Variants in CPT1A observed in about 807,000 individuals in gnomAD.
CPT1A encodes the protein carnitine palmitoyltransferase 1A.
In CPT1A, 64 loss-of-function variants were observed where a neutral mutation model predicts 100.8. The ratio of observed to expected loss-of-function variants is 0.63; its 90% CI spans 0.52 to 0.78. CPT1A has a LOEUF of 0.78. CPT1A is among the 30% of genes least tolerant of loss of function. The pLI, the probability that CPT1A is intolerant of heterozygous loss-of-function variation, is 0.00. For missense variants in CPT1A, 802 were observed against 1,034.1 expected (o/e 0.78, Z 3.08); for synonymous variants, 363 against 396.0 (o/e 0.92, Z 0.99).
At chr11:68,815,560 G>T in intron 1 of CPT1A, 73 bp from the exon 2 acceptor site, 1 of 1,440,814 alleles carries the variant, frequency 6.9e-7, no homozygotes, top group Non-Finnish European at 9.7e-7. Context: ...ATACAGAAGT[G>T]CCATTCCTTC....
Position 68,754,924 on chromosome 11 carries a change from C to T in CPT1A, c.*2720G>A, listed in dbSNP as rs1485020821. 1.7e-5 allele frequency: 13 copies of T among 762,482 alleles called. No individual in the cohort carries two copies. The highest frequency in any genetic ancestry group is 2.2e-5 in the Non-Finnish European group (9 of 404,832). 47.2% of individuals were successfully genotyped at this position (762,482 alleles called of 1,614,324 possible). On this transcript the variant is annotated 3_prime_UTR_variant, in exon 19 of 19. Coordinates refer to ENST00000265641, the MANE Select transcript of CPT1A (RefSeq NM_001876.4). ...TTAATGTTTTATTAATGATAACCTACATTCACACTGCATTTCTAAGATTTA... is the reference window on the plus strand; with the variant it reads ...TTAATGTTTTATTAATGATAACCTATATTCACACTGCATTTCTAAGATTTA...
At chr11:68,759,268 G>A (rs1158801871) in intron 18 of CPT1A, among the ~76,000 whole-genome samples, 5 of 151,370 alleles carry the variant, frequency 3.3e-5, no homozygotes, top group African/African-American at 4.9e-5. Flanking sequence ...AGTGGCGGGT[G>A]CCTGTAGTCC....
At chr11:68,832,920 C>T (rs1856915577) in intron 1 of CPT1A, among the ~76,000 whole-genome samples, 1 of 152,204 alleles carries the variant, frequency 6.6e-6, no homozygotes, top group Non-Finnish European at 1.5e-5. Context: ...GGGCCTCATC[C>T]CTGGAAAAAC....
chr11:68,800,692 C>G (rs1443850019), intron 5 of CPT1A, among the ~76,000 whole-genome samples: 1 of 151,860 alleles, frequency 6.6e-6, no homozygotes, highest in East Asian at 1.9e-4. Context: ...TTGCTAACCC[C>G]ACAATTTGTC....
Position 68,775,353 on chromosome 11 carries a change from G to A in CPT1A, c.1538C>T (p.Pro513Leu), listed in dbSNP as rs146533704. ...GTCCCACTGCAGCCTGGTGGGGTAC[G>A]GAATGTTCGGATTGATGTCGCCTTT... is the stretch of plus-strand genomic sequence containing the variant. The part of the protein sequence containing the change: ...HCKGDINPNI[P>L]YPTRLQWDIP... The change falls in exon 13 of 19, where the codon CCG becomes CTG. Residue 513 changes from proline (P) to leucine (L), a missense_variant. Physicochemically the swap from Pro to Leu is moderately conservative, Grantham distance 98. Transcript: ENST00000265641. 24 of 1,614,062 alleles carry A rather than the reference G, an allele frequency of 1.5e-5. No individual in the cohort carries two copies. The South Asian group carries it at 1.8e-4, about 12-fold the overall frequency.
At chr11:68,834,998 C>CAAA (rs11418561) in intron 1 of CPT1A, among the ~76,000 whole-genome samples, 2 of 146,498 alleles carry the variant, frequency 1.4e-5, no homozygotes, top group Non-Finnish European at 3.0e-5. Flanking sequence ...GACTCCATCT[C>CAAA]AAAAAAAAAA....
chr11:68,786,533 T>C (rs932797956), intron 9 of CPT1A, among the ~76,000 whole-genome samples: 5 of 152,130 alleles, frequency 3.3e-5, no homozygotes, highest in African/African-American at 1.2e-4. Flanking sequence ...TTATGCCCGA[T>C]CTCATGTTTT....
chr11:68,785,505 G>A (rs1855433654), intron 9 of CPT1A, among the ~76,000 whole-genome samples: 1 of 141,778 alleles, frequency 7.1e-6, no homozygotes, highest in African/African-American at 2.6e-5. Flanking sequence ...AGGTTGCAGT[G>A]AGCCGAGATC....
At chr11:68,831,206 A>G (rs1856867894) in intron 1 of CPT1A, among the ~76,000 whole-genome samples, 1 of 152,126 alleles carries the variant, frequency 6.6e-6, no homozygotes, top group Admixed American at 6.6e-5. Context: ...ATGAATCCTA[A>G]CACTGGCCAT....
chr11:68,796,055 C>A (rs1234808230), intron 7 of CPT1A, among the ~76,000 whole-genome samples: 2 of 152,216 alleles, frequency 1.3e-5, no homozygotes, highest in Non-Finnish European at 2.9e-5. Flanking sequence ...AACTGAGAGG[C>A]CTTCTAACCA....
chr11:68,831,457 G>C (rs1409831308), intron 1 of CPT1A, among the ~76,000 whole-genome samples: 1 of 152,170 alleles, frequency 6.6e-6, no homozygotes, highest in Non-Finnish European at 1.5e-5. Flanking sequence ...GGACTTCCAA[G>C]AAAATGGTCT....
chr11:68,785,797 C>G, intron 9 of CPT1A: 1 of 546,178 alleles, frequency 1.8e-6, no homozygotes, highest in Non-Finnish European at 3.2e-6. Flanking sequence ...AGAAAATATG[C>G]TGAGAAACAT....
At chr11:68,761,107 G>T (rs1473828812) in intron 16 of CPT1A, among the ~76,000 whole-genome samples, 1 of 149,692 alleles carries the variant, frequency 6.7e-6, no homozygotes, top group Non-Finnish European at 1.5e-5. Context: ...TACTCAGCAG[G>T]CTAAGGACGA....
At chr11:68,822,806 T>G (rs1856621427) in intron 1 of CPT1A, among the ~76,000 whole-genome samples, 1 of 152,034 alleles carries the variant, frequency 6.6e-6, no homozygotes, top group Non-Finnish European at 1.5e-5. Flanking sequence ...CCTGAAGACG[T>G]GATGCTGAGT....
chr11:68,823,790 AAAAGAAAGAAAG>A (rs113830868), intron 1 of CPT1A, among the ~76,000 whole-genome samples: 1 of 151,084 alleles, frequency 6.6e-6, no homozygotes, highest in Admixed American at 6.6e-5. Context: ...ACTCTGTCTC[AAAAGAAAGAAAG>A]AAAGAAAGAA....
chr11:68,815,043 G>T (rs752722863), intron 2 of CPT1A, among the ~76,000 whole-genome samples: 13 of 152,164 alleles, frequency 8.5e-5, no homozygotes, highest in Non-Finnish European at 1.8e-4. Flanking sequence ...CAGAAGATGT[G>T]AATTCTAGTC....
intron 9 of CPT1A, 52 bp from the exon 10 acceptor site, chr11:68,785,062 C>T (rs757738434): frequency 3.0e-5 from 46 of 1,535,278 alleles, no homozygotes; most frequent in Admixed American, 1.4e-4. Flanking sequence ...AAGTTCAGCA[C>T]GTGCTGAGAC....
In CPT1A at chr11:68,801,409, C is replaced by T. The variant is rs143056539; in HGVS notation, c.556-2054G>A. Among the ~76,000 whole-genome samples, 1,421 of 151,982 alleles carry T rather than the reference C, an allele frequency of 9.3e-3. 21 individuals are homozygous for T. The highest frequency in any genetic ancestry group is 0.032 in the African/African-American group (1,326 of 41,456). ...CTTTGGGAGGCCAAGGTGGGCAGAT[C>T]ACTTGAGGTCAGGAGCTCGAGACCA... On this transcript the variant is annotated intron_variant, in intron 5 of 18. Transcript: ENST00000265641.
chr11:68,776,907 G>A (rs542299982), intron 12 of CPT1A, among the ~76,000 whole-genome samples: 101 of 152,288 alleles, frequency 6.6e-4, no homozygotes, highest in Middle Eastern at 3.4e-3. Flanking sequence ...TTTTAAAAGA[G>A]GAATCCCTGT....
Sources: allele counts gnomAD v4.1 joint callset (sites outside exome capture counted in the v4.1 genomes callset), GRCh38; gene constraint gnomAD v4.1.1; transcripts MANE v1.5; gene names NCBI Gene and HGNC (gene_info 2026-07-23, HGNC 2026-07-21).